EMX1: variants seen among roughly 807,000 people sequenced by gnomAD.
EMX1 encodes homeobox protein EMX1.
A neutral mutation model predicts 20.1 loss-of-function variants in EMX1; 10 were observed. The observed-to-expected ratio is 0.50, with a 90% CI of 0.31 to 0.84. EMX1 has a LOEUF of 0.84. Among genes scored for constraint, EMX1 ranks in the 40% least tolerant of loss-of-function variants. The probability of loss-of-function intolerance (pLI) is 0.05; values close to 1 mark genes in which losing one functional copy is unlikely to be tolerated. For synonymous variants in EMX1, 250 were observed against 200.4 expected, an observed-to-expected ratio of 1.25 and a Z score of -2.09; for missense variants, 424 against 431.9, an observed-to-expected ratio of 0.98 and a Z score of 0.16.
rs756688591 is a variant in EMX1 at position 72,917,861 on chromosome 2, G to A, written c.9G>A (p.Leu3=). ...GGTGCGGGCGGGTGTGCATGTGCCTGGCTGGGTGCACACCCCGCAAGGCGG... is the reference window on the plus strand; with the variant it reads ...GGTGCGGGCGGGTGTGCATGTGCCTAGCTGGGTGCACACCCCGCAAGGCGG... MC[L]AGCTPRKAAA... is the part of the protein sequence containing the mutation. Residue 3 remains leucine (L), a synonymous_variant, in exon 1 of 3, where the codon CTG becomes CTA. Coordinates refer to ENST00000258106, the MANE Select transcript of EMX1 (RefSeq NM_004097.3). 2.7e-6 allele frequency: 4 copies of A among 1,465,918 alleles called. 1 individual carries two copies. In the South Asian group the frequency reaches 3.9e-5, roughly 14 times the overall value. The allele number at this position is 1,465,918 out of a possible 1,614,324, so 90.8% of individuals were successfully genotyped here.
In EMX1 at chr2:72,926,423, C is replaced by G. The variant is rs867606988; in HGVS notation, c.705+1930C>G. 30 of 558,454 alleles carry G rather than the reference C, an allele frequency of 5.4e-5. No homozygotes were observed. In the South Asian group the frequency reaches 7.9e-4, roughly 15 times the overall value. 34.6% of individuals were successfully genotyped at this position (558,454 alleles called of 1,614,324 possible). ...CAAAACTCAGGGCTAATCTTCTTCC[C>G]GTCTGTAAATGAGCTGCTTTTTGCA... On this transcript the variant is annotated intron_variant, in intron 2 of 2. Transcript: ENST00000258106.
intron 2 of EMX1, 164 bp from the exon 3 acceptor site, chr2:72,933,623 C>T (rs1238449185): frequency 1.4e-6 from 1 of 726,678 alleles, no homozygotes; most frequent in Non-Finnish European, 2.2e-6. Context: ...AATGTTAGAC[C>T]CATGGGAGCA....
intron 2 of EMX1, among the ~76,000 whole-genome samples, chr2:72,931,519 G>C (rs1671286131): frequency 6.6e-6 from 1 of 152,050 alleles, no homozygotes; most frequent in Admixed American, 6.5e-5. Flanking sequence ...CCACTGACTG[G>C]CACAGTCATA....
At chr2:72,933,694 C>T in intron 2 of EMX1, 93 bp from the exon 3 acceptor site, 1 of 1,497,938 alleles carries the variant, frequency 6.7e-7, no homozygotes, top group South Asian at 1.3e-5. Context: ...GTCTTCCCAT[C>T]AGGCTCTCAG....
chr2:72,922,534 T>C (rs923014620), intron 1 of EMX1, among the ~76,000 whole-genome samples: 9 of 152,204 alleles, frequency 5.9e-5, no homozygotes, highest in African/African-American at 2.2e-4. Flanking sequence ...TCCCACCATT[T>C]TTGTGGCTGC....
At chr2:72,922,065 C>G (rs979256739) in intron 1 of EMX1, among the ~76,000 whole-genome samples, 14 of 152,296 alleles carry the variant, frequency 9.2e-5, no homozygotes, top group African/African-American at 3.4e-4. Flanking sequence ...TACACACTTA[C>G]GGGGCTTTCC....
intron 2 of EMX1, among the ~76,000 whole-genome samples, 155 bp downstream of exon 2, chr2:72,924,648 T>A (rs565246377): frequency 6.6e-6 from 1 of 152,206 alleles, no homozygotes; most frequent in Admixed American, 6.5e-5. Flanking sequence ...AGCCCGTCTT[T>A]AGAGCCTCTT....
intron 2 of EMX1, chr2:72,925,947 A>G: frequency 1.0e-6 from 1 of 985,438 alleles, no homozygotes; most frequent in South Asian, 4.7e-5. Flanking sequence ...AATTTTAAAA[A>G]CGTTTCAAAG....
At chr2:72,927,161 C>G (rs1474862235) in intron 2 of EMX1, among the ~76,000 whole-genome samples, 5 of 152,216 alleles carry the variant, frequency 3.3e-5, no homozygotes, top group Admixed American at 3.3e-4. Context: ...ATATGTTCTT[C>G]CTAACAATAA....
At chr2:72,919,221 T>C (rs2023462) in intron 1 of EMX1, among the ~76,000 whole-genome samples, 1 of 135,686 alleles carries the variant, frequency 7.4e-6, no homozygotes, top group African/African-American at 3.0e-5. Flanking sequence ...ACACACACGT[T>C]TCAATTATTT....
upstream of EMX1, chr2:72,916,764 T>A (rs914545563): frequency 1.5e-5 from 11 of 717,318 alleles, no homozygotes; most frequent in Admixed American, 2.2e-4. Flanking sequence ...CGCCGACACT[T>A]GAGCCCCCAG....
Position 72,917,906 on chromosome 2 carries a change from G to A in EMX1, c.54G>A (p.Ala18=). Residue 18 remains alanine (A), a synonymous_variant, in exon 1 of 3, where the codon GCG becomes GCA. Transcript: ENST00000258106. ...PRKAAAPGRG[A]LPRARLPRTA... ...AGGCGGCGGCGCCAGGACGCGGAGC[G>A]CTCCCCAGAGCCCGGCTGCCTCGCA... 2.7e-6 allele frequency: 4 copies of A among 1,481,676 alleles called. No homozygotes were observed. The highest frequency in any genetic ancestry group is 3.6e-6 in the Non-Finnish European group (4 of 1,123,804). 91.8% of individuals were successfully genotyped at this position (1,481,676 alleles called of 1,614,324 possible). A position where few individuals can be genotyped will look rare whatever the true frequency, so the allele number is the denominator to read the frequency against.
chr2:72,924,588 C>T, intron 2 of EMX1, 95 bp downstream of exon 2: 2 of 1,399,884 alleles, frequency 1.4e-6, no homozygotes, highest in Non-Finnish European at 1.9e-6. Context: ...CGCCCCAGCC[C>T]AGCCCTGCTG....
At chr2:72,918,998 A>C (rs1372880571) in intron 1 of EMX1, among the ~76,000 whole-genome samples, 1 of 152,244 alleles carries the variant, frequency 6.6e-6, no homozygotes, top group East Asian at 1.9e-4. Context: ...GTTTGCAGTA[A>C]GCAAACTGGC....
chr2:72,929,320 T>C (rs1387960893), intron 2 of EMX1, among the ~76,000 whole-genome samples: 1 of 152,132 alleles, frequency 6.6e-6, no homozygotes, highest in African/African-American at 2.4e-5. Context: ...GATGTCTCCC[T>C]GAGAGAGACA....
chr2:72,916,805 C>T (rs532541544), upstream of EMX1: 10 of 717,318 alleles, frequency 1.4e-5, no homozygotes, highest in Admixed American at 1.0e-4. Context: ...GGTGGATCTC[C>T]CAGTGCCGAG....
chr2:72,917,349 T>C (rs998786379), upstream of EMX1: 8 of 360,948 alleles, frequency 2.2e-5, no homozygotes, highest in Non-Finnish European at 5.0e-6. Context: ...GAGAAGCCAG[T>C]GGCGAGGGGA....
In EMX1 at chr2:72,917,667, CCCGCGCCTGT is replaced by C; in HGVS notation, c.-185_-176del. On this transcript the variant is annotated 5_prime_UTR_variant, in exon 1 of 3. Transcript: ENST00000258106. ...TGGCAGCTCGCAGCCTAGCACGGAGCCCGCGCCTGTGCGGGCGCCTGGAGCTGCCCGCTCC... is the reference window on the plus strand; with the variant it reads ...TGGCAGCTCGCAGCCTAGCACGGAGCGCGGGCGCCTGGAGCTGCCCGCTCC... The C allele has an allele frequency of 2.9e-6, 1 of 340,766 alleles. No individual in the cohort carries two copies. Among genetic ancestry groups the C allele is most frequent in the Non-Finnish European group, 4.7e-6 (1 of 211,682 alleles). The allele number at this position is 340,766 out of a possible 1,614,324, so 21.1% of individuals were successfully genotyped here. A position where few individuals can be genotyped will look rare whatever the true frequency, so the allele number is the denominator to read the frequency against.
chr2:72,917,250 C>T (rs1398073628), upstream of EMX1, among the ~76,000 whole-genome samples: 1 of 152,028 alleles, frequency 6.6e-6, no homozygotes, highest in Admixed American at 6.5e-5. Flanking sequence ...GGAGTTTAGC[C>T]CCAAGCCCTT....
Sources: gnomAD v4.1 joint callset for allele counts (sites outside exome capture counted in the v4.1 genomes callset) on GRCh38, gnomAD v4.1.1 for gene constraint, MANE v1.5 for transcripts, NCBI Gene and HGNC (gene_info 2026-07-23, HGNC 2026-07-21) for gene names.